Variants in GALNT2 observed in about 807,000 individuals in gnomAD.
GALNT2 encodes polypeptide N-acetylgalactosaminyltransferase 2.
A neutral mutation model predicts 81.4 loss-of-function variants in GALNT2; 31 were observed. The observed-to-expected ratio is 0.38, with a 90% confidence interval of 0.29 to 0.51. The LOEUF (loss-of-function observed/expected upper bound fraction) is 0.51. Ranked by LOEUF, GALNT2 falls within the 20% of genes least tolerant of loss-of-function variation. GALNT2 has a pLI of 0.87. For missense variants in GALNT2, 629 were observed against 765.7 expected, an observed-to-expected ratio of 0.82 and a Z score of 2.11; for synonymous variants, 303 against 287.4, an observed-to-expected ratio of 1.05 and a Z score of -0.55.
chr1:230,221,943 G>C (rs1340450717), intron 3 of GALNT2, among the ~76,000 whole-genome samples: 1 of 150,802 alleles, frequency 6.6e-6, no homozygotes, highest in East Asian at 1.9e-4. Context: ...TGCCAGTGAT[G>C]TGTCTCTGGT....
In GALNT2 at chr1:230,255,290, T is replaced by C. The variant is rs1279521995; in HGVS notation, c.1082T>C (p.Phe361Ser). ...CCGTGCAGCCGTGTGGGACACGTGT[T>C]CCGGAAGCAGCACCCCTACACGTTC... Reference protein sequence around the residue: ...IIPCSRVGHVFRKQHPYTFPG... With the variant: ...IIPCSRVGHVSRKQHPYTFPG... Residue 361 changes from phenylalanine to serine, a missense_variant, in exon 11 of 16, where the codon TTC becomes TCC. By Grantham distance (155) the Phe-to-Ser change is radical. Coordinates refer to ENST00000366672, the MANE Select transcript of GALNT2 (RefSeq NM_004481.5). 6.2e-7 allele frequency: 1 copy of C among 1,614,084 alleles called. No homozygotes were observed. Among genetic ancestry groups the C allele is most frequent in the Non-Finnish European group, 8.5e-7 (1 of 1,180,036 alleles).
chr1:230,161,991 G>T (rs541636118), intron 1 of GALNT2, among the ~76,000 whole-genome samples: 3 of 151,436 alleles, frequency 2.0e-5, no homozygotes, highest in Non-Finnish European at 4.4e-5. Flanking sequence ...AATAATATGG[G>T]GTATTATTAA....
At chr1:230,172,253 G>A (rs1470033692) in intron 1 of GALNT2, among the ~76,000 whole-genome samples, 4 of 152,102 alleles carry the variant, frequency 2.6e-5, no homozygotes, top group Admixed American at 6.5e-5. Context: ...GAAGCCAGCC[G>A]CCTCTTGGGA....
chr1:230,267,842 C>T (rs1044508509), intron 14 of GALNT2, among the ~76,000 whole-genome samples: 1 of 152,208 alleles, frequency 6.6e-6, no homozygotes, highest in African/African-American at 2.4e-5. Context: ...CCATCCAAGA[C>T]CCTGCTGTTA....
intron 3 of GALNT2, 125 bp downstream of exon 3, chr1:230,203,415 A>G (rs1663968817): frequency 8.6e-7 from 1 of 1,169,328 alleles, no homozygotes; most frequent in Admixed American, 2.1e-5. Flanking sequence ...TTGTAAAACT[A>G]GGAAAAATCC....
At chr1:230,278,819 G>A (rs1470022286) in intron 15 of GALNT2, among the ~76,000 whole-genome samples, 1 of 152,222 alleles carries the variant, frequency 6.6e-6, no homozygotes, top group Non-Finnish European at 1.5e-5. Flanking sequence ...CGAGCAGAAA[G>A]CCCTAAGTGG....
chr1:230,185,087 T>C (rs1449994863), intron 2 of GALNT2, among the ~76,000 whole-genome samples: 1 of 152,226 alleles, frequency 6.6e-6, no homozygotes, highest in African/African-American at 2.4e-5. Context: ...TTTGATTCTT[T>C]CTCATAATTT....
chr1:230,273,042 A>AT (rs1336992103), intron 14 of GALNT2, among the ~76,000 whole-genome samples: 1 of 152,140 alleles, frequency 6.6e-6, no homozygotes, highest in Non-Finnish European at 1.5e-5. Flanking sequence ...AAGTGCTGGG[A>AT]TTATAGATAG....
chr1:230,233,569 T>C (rs1402410896), intron 3 of GALNT2, among the ~76,000 whole-genome samples: 1 of 152,086 alleles, frequency 6.6e-6, no homozygotes, highest in Non-Finnish European at 1.5e-5. Context: ...TCCGAGATTG[T>C]GCCTCTGCAC....
intron 1 of GALNT2, among the ~76,000 whole-genome samples, chr1:230,125,900 C>T (rs751159553): frequency 6.6e-6 from 1 of 152,242 alleles, no homozygotes; most frequent in African/African-American, 2.4e-5. Context: ...ATGTCTCTCT[C>T]CTGTCTTTCT....
intron 1 of GALNT2, among the ~76,000 whole-genome samples, chr1:230,139,937 CT>C (rs1661675286): frequency 6.6e-6 from 1 of 152,234 alleles, no homozygotes; most frequent in South Asian, 2.1e-4. Flanking sequence ...CATCCACAGA[CT>C]CACAGAATTG....
chr1:230,099,165 C>G (rs533878987), intron 1 of GALNT2, among the ~76,000 whole-genome samples: 21 of 152,352 alleles, frequency 1.4e-4, no homozygotes, highest in Non-Finnish European at 2.2e-4. Flanking sequence ...AGGTATCACG[C>G]TCCATGTGCT....
intron 1 of GALNT2, among the ~76,000 whole-genome samples, chr1:230,068,737 A>G (rs562703449): frequency 1.1e-4 from 16 of 152,232 alleles, no homozygotes; most frequent in African/African-American, 3.6e-4. Flanking sequence ...AATTACGTGG[A>G]TTTGTTTTAT....
At chr1:230,105,662 C>G (rs991844500) in intron 1 of GALNT2, among the ~76,000 whole-genome samples, 1 of 152,126 alleles carries the variant, frequency 6.6e-6, no homozygotes, top group Non-Finnish European at 1.5e-5. Flanking sequence ...TGTCAGCATT[C>G]GAAAGTGAGG....
chr1:230,262,324 T>G, intron 11 of GALNT2: 1 of 471,266 alleles, frequency 2.1e-6, no homozygotes, highest in South Asian at 4.1e-5. Flanking sequence ...CCTTTTGCCC[T>G]TTGACCATCT....
chr1:230,145,098 A>G (rs1330049176), intron 1 of GALNT2, among the ~76,000 whole-genome samples: 2 of 151,866 alleles, frequency 1.3e-5, no homozygotes, highest in African/African-American at 4.9e-5. Flanking sequence ...CAGCATCTGC[A>G]GGCTCTCACT....
chr1:230,233,769 G>T (rs895872908), intron 3 of GALNT2, among the ~76,000 whole-genome samples: 1 of 152,206 alleles, frequency 6.6e-6, no homozygotes, highest in Admixed American at 6.5e-5. Flanking sequence ...TGTTATTAAT[G>T]TGCAAATGTG....
chr1:230,094,661 T>C (rs1660192414), intron 1 of GALNT2, among the ~76,000 whole-genome samples: 1 of 152,110 alleles, frequency 6.6e-6, no homozygotes, highest in South Asian at 2.1e-4. Context: ...AAACACCATA[T>C]GCTTTCCCAA....
At chr1:230,116,763 G>T (rs1361123903) in intron 1 of GALNT2, among the ~76,000 whole-genome samples, 2 of 152,158 alleles carry the variant, frequency 1.3e-5, no homozygotes, top group Non-Finnish European at 2.9e-5. Context: ...AGTAAACCGT[G>T]CTGTAAACAG....
Sources: gnomAD v4.1 joint callset for allele counts (sites outside exome capture counted in the v4.1 genomes callset) on GRCh38, gnomAD v4.1.1 for gene constraint, MANE v1.5 for transcripts, NCBI Gene and HGNC (gene_info 2026-07-23, HGNC 2026-07-21) for gene names.